Variants in ATP8A1 observed in about 807,000 individuals in gnomAD.
ATP8A1 encodes the protein ATPase phospholipid transporting 8A1, also known as phospholipid-transporting ATPase IA.
In ATP8A1, 90 loss-of-function variants were observed where a neutral mutation model predicts 177.7. That is an observed-to-expected ratio of 0.51 (90% CI 0.43 to 0.60). ATP8A1 has a LOEUF of 0.60. Among genes scored for constraint, ATP8A1 ranks in the 20% least tolerant of loss-of-function variants. ATP8A1 has a pLI of 0.00. For missense variants in ATP8A1, 1,072 were observed against 1,392.8 expected (o/e 0.77, Z 3.67); for synonymous variants, 493 against 485.9 (o/e 1.01, Z -0.19).
chr4:42,655,097 G>A lies in ATP8A1; in HGVS notation c.49+1728C>T, dbSNP rs546127825. 9.8e-5 allele frequency among the ~76,000 whole-genome samples: 15 copies of A among 152,314 alleles called. No homozygotes were observed. The South Asian group carries it at 3.1e-3, about 32-fold the overall frequency. ...ACCACTATGGCCCTGACACTGTGCT[G>A]GACGCACAGGGAATACAAAGATTAA... On this transcript the variant is annotated intron_variant, in intron 1 of 36. Transcript: ENST00000381668.
chr4:42,561,023 A>AT (rs1730764330), intron 15 of ATP8A1, among the ~76,000 whole-genome samples: 1 of 152,104 alleles, frequency 6.6e-6, no homozygotes, highest in African/African-American at 2.4e-5. Flanking sequence ...TATTAAGATC[A>AT]TTTTTCTCAT....
At chr4:42,468,165 G>C (rs1231120074) in intron 25 of ATP8A1, among the ~76,000 whole-genome samples, 1 of 152,170 alleles carries the variant, frequency 6.6e-6, no homozygotes, top group Non-Finnish European at 1.5e-5. Context: ...GGAAAACAGT[G>C]TGGAGATTCC....
intron 32 of ATP8A1, 99 bp downstream of exon 32, chr4:42,444,479 C>T (rs1716994720): frequency 8.6e-7 from 1 of 1,168,292 alleles, no homozygotes; most frequent in Non-Finnish European, 1.3e-6. Flanking sequence ...GACATATTAA[C>T]CTGGGACATA....
At chr4:42,480,329 T>C (rs1721544816) in intron 25 of ATP8A1, among the ~76,000 whole-genome samples, 1 of 152,222 alleles carries the variant, frequency 6.6e-6, no homozygotes, top group Non-Finnish European at 1.5e-5. Context: ...TATGAAGTTA[T>C]AAAGTGTATT....
At chr4:42,425,621 C>T (rs192936338) in intron 33 of ATP8A1, among the ~76,000 whole-genome samples, 6 of 152,030 alleles carry the variant, frequency 3.9e-5, no homozygotes, top group Non-Finnish European at 7.4e-5. Context: ...TAAGAAAGCT[C>T]CCCCTCACTC....
At chr4:42,548,138 TC>T (rs1236904947) in intron 19 of ATP8A1, among the ~76,000 whole-genome samples, 4 of 152,186 alleles carry the variant, frequency 2.6e-5, no homozygotes, top group Admixed American at 2.6e-4. Flanking sequence ...AGTAGGACAA[TC>T]ACTTTGCTTT....
chr4:42,413,118 TCCCAC>T, intron 36 of ATP8A1, 105 bp from the exon 37 acceptor site: 2 of 829,282 alleles, frequency 2.4e-6, no homozygotes, highest in South Asian at 3.2e-5. Context: ...AATGCAGCCT[TCCCAC>T]ATTCAAAAGC....
rs1732874827 is a variant in ATP8A1 at position 42,580,047 on chromosome 4, C to G, written c.835-69G>C. 2.4e-6 allele frequency: 3 copies of G among 1,258,614 alleles called. No individual in the cohort carries two copies. The South Asian group carries it at 4.6e-5, about 19-fold the overall frequency. 78.0% of individuals were successfully genotyped at this position (1,258,614 alleles called of 1,614,324 possible). ...GATTTAGCAATCTATACTTAGTATT[C>G]TGTTGAGGATGACAAAGTCACAACT... On this transcript the variant is annotated intron_variant, in intron 10 of 36. Transcript: ENST00000381668.
chr4:42,496,790 A>G (rs777263176), intron 24 of ATP8A1, among the ~76,000 whole-genome samples: 4 of 104,070 alleles, frequency 3.8e-5, no homozygotes, highest in Non-Finnish European at 7.8e-5. Flanking sequence ...ACATACACAT[A>G]TATGCACATA....
chr4:42,474,657 C>T (rs1720852534), intron 25 of ATP8A1, among the ~76,000 whole-genome samples: 1 of 152,096 alleles, frequency 6.6e-6, no homozygotes, highest in Non-Finnish European at 1.5e-5. Flanking sequence ...GGAATTCCAT[C>T]AGAGTGCAGC....
At chr4:42,526,303 G>A (rs2153199936) in intron 20 of ATP8A1, among the ~76,000 whole-genome samples, 1 of 152,240 alleles carries the variant, frequency 6.6e-6, no homozygotes, top group East Asian at 1.9e-4. Flanking sequence ...AAATGGGTCG[G>A]CTAGCCATGC....
intron 1 of ATP8A1, among the ~76,000 whole-genome samples, chr4:42,655,402 C>T (rs1014829999): frequency 6.6e-6 from 1 of 152,176 alleles, no homozygotes; most frequent in Non-Finnish European, 1.5e-5. Context: ...TTTTTCTCTT[C>T]CCCTTATTTC....
chr4:42,530,022 A>T (rs532112956), intron 20 of ATP8A1, among the ~76,000 whole-genome samples: 1 of 152,366 alleles, frequency 6.6e-6, no homozygotes, highest in East Asian at 1.9e-4. Context: ...TTTGTATCCC[A>T]TGTGAGTGCT....
chr4:42,564,264 A>C (rs113703080), intron 15 of ATP8A1, among the ~76,000 whole-genome samples: 2,922 of 152,270 alleles, frequency 0.019, 91 homozygotes, highest in African/African-American at 0.066. Context: ...GCCCCCCCCA[A>C]CAGAGTCCCT....
chr4:42,503,266 T>A (rs1724030145), intron 24 of ATP8A1, among the ~76,000 whole-genome samples, 184 bp downstream of exon 24: 1 of 152,214 alleles, frequency 6.6e-6, no homozygotes, highest in African/African-American at 2.4e-5. Flanking sequence ...GTCACAGATG[T>A]AAAGCTTGAA....
At chr4:42,533,296 G>C (rs1435234269) in intron 20 of ATP8A1, among the ~76,000 whole-genome samples, 1 of 152,170 alleles carries the variant, frequency 6.6e-6, no homozygotes, top group Non-Finnish European at 1.5e-5. Context: ...CAAACTTGGT[G>C]CTGTTGGGGG....
intron 4 of ATP8A1, among the ~76,000 whole-genome samples, chr4:42,621,710 A>G (rs1737477928): frequency 6.6e-6 from 1 of 152,246 alleles, no homozygotes; most frequent in African/African-American, 2.4e-5. Context: ...GTCAATGAAT[A>G]GTTTAAAATT....
chr4:42,587,410 C>T (rs562694317), intron 8 of ATP8A1, among the ~76,000 whole-genome samples: 4 of 150,960 alleles, frequency 2.6e-5, no homozygotes, highest in East Asian at 1.9e-4. Flanking sequence ...CGGGTTCAAG[C>T]GATTCTCCTG....
intron 15 of ATP8A1, among the ~76,000 whole-genome samples, chr4:42,564,145 AG>A (rs1442927136): frequency 2.6e-5 from 4 of 152,186 alleles, no homozygotes; most frequent in African/African-American, 9.6e-5. Context: ...CCTAGACCTC[AG>A]AAGATGTATG....
Sources: gnomAD v4.1 joint callset for allele counts (sites outside exome capture counted in the v4.1 genomes callset) on GRCh38, gnomAD v4.1.1 for gene constraint, MANE v1.5 for transcripts, NCBI Gene and HGNC (gene_info 2026-07-23, HGNC 2026-07-21) for gene names.